The following ASTN1 variants were observed in gnomAD, a reference collection of about 807,000 sequenced individuals.
ASTN1 encodes astrotactin-1.
ASTN1 carries 41 observed loss-of-function variants against 140.7 expected under a neutral mutation model. That is an observed-to-expected ratio of 0.29 (90% CI 0.23 to 0.38). The LOEUF is 0.38. Ranked by LOEUF, ASTN1 falls within the 10% of genes least tolerant of loss-of-function variation. ASTN1 has a pLI of 1.00. For missense variants in ASTN1, 1,479 were observed against 1,678.8 expected (o/e 0.88, Z 2.08); for synonymous variants, 640 against 652.2 (o/e 0.98, Z 0.29).
intron 12 of ASTN1, among the ~76,000 whole-genome samples, chr1:176,947,510 G>A (rs1226280031): frequency 1.3e-5 from 2 of 152,294 alleles, no homozygotes; most frequent in South Asian, 2.1e-4. Context: ...CTAAACACAC[G>A]TGTGTCTGAT....
chr1:176,929,886 T>C (rs1293273458), intron 16 of ASTN1, among the ~76,000 whole-genome samples: 1 of 152,084 alleles, frequency 6.6e-6, no homozygotes, highest in Non-Finnish European at 1.5e-5. Context: ...CAGGTGCCTG[T>C]AGTCCCAGCT....
intron 8 of ASTN1, among the ~76,000 whole-genome samples, chr1:177,004,399 A>C (rs910204953): frequency 1.3e-5 from 2 of 152,214 alleles, no homozygotes; most frequent in Non-Finnish European, 2.9e-5. Context: ...TACTGCCCAA[A>C]GCAACCTACA....
rs555987358 is a variant in ASTN1 at position 177,113,769 on chromosome 1, C to T, written c.283+50625G>A. ...CATCAATAGTCAGTTACATGCCCTG[C>T]ACAAACAGCTTATGGAGAGAAGCTC... On this transcript the variant is annotated intron_variant, in intron 1 of 22. Transcript: ENST00000361833. 1.9e-3 allele frequency among the ~76,000 whole-genome samples: 294 copies of T among 152,296 alleles called. 1 individual carries two copies. The highest frequency in any genetic ancestry group is 2.5e-3 in the Non-Finnish European group (167 of 68,028).
intron 18 of ASTN1, among the ~76,000 whole-genome samples, chr1:176,886,717 C>T (rs574146479): frequency 6.6e-4 from 101 of 152,290 alleles, no homozygotes; most frequent in African/African-American, 2.2e-3. Flanking sequence ...TTAGTGCCTA[C>T]CCGCACCTGC....
intron 9 of ASTN1, among the ~76,000 whole-genome samples, chr1:176,960,143 T>TGAAGGTTG (rs1672597288): frequency 6.6e-6 from 1 of 152,166 alleles, no homozygotes; most frequent in Non-Finnish European, 1.5e-5. Flanking sequence ...ATCCGGGACT[T>TGAAGGTTG]AAGGATAATG....
chr1:176,950,833 A>G (rs1672162614), intron 11 of ASTN1, among the ~76,000 whole-genome samples: 1 of 152,064 alleles, frequency 6.6e-6, no homozygotes, highest in Non-Finnish European at 1.5e-5. Context: ...AACCAACACC[A>G]AACTAAAGCA....
chr1:177,057,853 C>T (rs771892621), intron 2 of ASTN1, among the ~76,000 whole-genome samples: 21 of 152,140 alleles, frequency 1.4e-4, no homozygotes, highest in African/African-American at 2.2e-4. Context: ...TTTTGTAATG[C>T]TGTCATCCAG....
intron 21 of ASTN1, among the ~76,000 whole-genome samples, chr1:176,874,755 T>A (rs1225121920): frequency 6.6e-6 from 1 of 152,174 alleles, no homozygotes; most frequent in Non-Finnish European, 1.5e-5. Flanking sequence ...ATTAATTAAG[T>A]CATTCAATTT....
At chr1:177,080,932 T>C (rs1209874108) in intron 1 of ASTN1, among the ~76,000 whole-genome samples, 1 of 152,180 alleles carries the variant, frequency 6.6e-6, no homozygotes, top group Non-Finnish European at 1.5e-5. Context: ...GTATGAAGCA[T>C]GCTGAAGGCA....
chr1:176,965,542 T>C (rs1223797885), intron 8 of ASTN1, among the ~76,000 whole-genome samples: 1 of 152,244 alleles, frequency 6.6e-6, no homozygotes, highest in Non-Finnish European at 1.5e-5. Context: ...TTCATGGTCC[T>C]TTAGATATAG....
intron 2 of ASTN1, 148 bp downstream of exon 2, chr1:177,060,930 T>C: frequency 1.2e-6 from 1 of 834,714 alleles, no homozygotes; most frequent in Non-Finnish European, 1.7e-6. Context: ...GGTGGATGCA[T>C]TTCCCACAAA....
intron 1 of ASTN1, among the ~76,000 whole-genome samples, chr1:177,150,271 C>G (rs191294823): frequency 4.6e-5 from 7 of 152,130 alleles, no homozygotes; most frequent in Admixed American, 3.3e-4. Context: ...AAGTAATAAG[C>G]AATTTTCAGG....
intron 8 of ASTN1, among the ~76,000 whole-genome samples, chr1:176,997,146 C>T (rs1223301914): frequency 6.6e-6 from 1 of 152,104 alleles, no homozygotes; most frequent in African/African-American, 2.4e-5. Context: ...ATTGCATTGC[C>T]ACCTGGTATT....
At chr1:176,906,103 C>T (rs1255723463) in intron 16 of ASTN1, among the ~76,000 whole-genome samples, 1 of 152,164 alleles carries the variant, frequency 6.6e-6, no homozygotes, top group African/African-American at 2.4e-5. Context: ...GTTGGTTTAC[C>T]TCTGGGTGCC....
intron 1 of ASTN1, among the ~76,000 whole-genome samples, chr1:177,098,420 G>A (rs1017327887): frequency 6.6e-6 from 1 of 152,176 alleles, no homozygotes; most frequent in African/African-American, 2.4e-5. Flanking sequence ...TACAGTGCCT[G>A]ACACTTAGCA....
chr1:176,889,255 A>G (rs558644687), intron 17 of ASTN1, among the ~76,000 whole-genome samples: 4 of 152,300 alleles, frequency 2.6e-5, no homozygotes, highest in African/African-American at 9.6e-5. Context: ...CCCTATCCCA[A>G]GGGGAGGGAG....
chr1:177,019,770 A>G (rs1675727200), intron 7 of ASTN1, among the ~76,000 whole-genome samples: 1 of 152,238 alleles, frequency 6.6e-6, no homozygotes, highest in Admixed American at 6.5e-5. Flanking sequence ...CTCCAGCTCC[A>G]GTTCTTCCAT....
chr1:177,095,396 T>A (rs938741395), intron 1 of ASTN1, among the ~76,000 whole-genome samples: 2 of 152,070 alleles, frequency 1.3e-5, no homozygotes, highest in Non-Finnish European at 2.9e-5. Context: ...CCCAAAGGCA[T>A]TTTAAAGATC....
intron 1 of ASTN1, among the ~76,000 whole-genome samples, chr1:177,072,786 T>C (rs1678706950): frequency 1.3e-5 from 2 of 152,216 alleles, no homozygotes; most frequent in South Asian, 4.1e-4. Flanking sequence ...CTATGCACCA[T>C]GTGGCACCCA....
Sources: allele counts gnomAD v4.1 joint callset (sites outside exome capture counted in the v4.1 genomes callset), GRCh38; gene constraint gnomAD v4.1.1; transcripts MANE v1.5; gene names NCBI Gene and HGNC (gene_info 2026-07-23, HGNC 2026-07-21).